ENPP3: variants seen among roughly 807,000 people sequenced by gnomAD.
The protein encoded by ENPP3 is ectonucleotide pyrophosphatase/phosphodiesterase family member 3.
Under a neutral mutation model 117.8 loss-of-function variants are expected in ENPP3, and 104 were observed. The observed-to-expected ratio is 0.88, with a 90% CI of 0.75 to 1.04. ENPP3 has a LOEUF of 1.04. Ranked by LOEUF, ENPP3 falls within the 50% of genes least tolerant of loss-of-function variation. The pLI is 0.00. For synonymous variants in ENPP3, 380 were observed against 349.9 expected, an observed-to-expected ratio of 1.09 and a Z score of -0.96; for missense variants, 1,026 against 1,051.9, an observed-to-expected ratio of 0.98 and a Z score of 0.34.
chr6:131,707,122 G>C (rs1294547722), intron 15 of ENPP3, among the ~76,000 whole-genome samples: 1 of 150,042 alleles, frequency 6.7e-6, no homozygotes, highest in Non-Finnish European at 1.5e-5. Flanking sequence ...AATGGTTATA[G>C]AGTTATTCAA....
intron 2 of ENPP3, among the ~76,000 whole-genome samples, chr6:131,647,908 A>G (rs1562426056): frequency 6.6e-6 from 1 of 152,154 alleles, no homozygotes; most frequent in Non-Finnish European, 1.5e-5. Flanking sequence ...TAAGATTATC[A>G]TCACATTATT....
At chr6:131,740,845 T>G (rs1358435467) in intron 24 of ENPP3, among the ~76,000 whole-genome samples, 2 of 152,208 alleles carry the variant, frequency 1.3e-5, no homozygotes, top group Admixed American at 1.3e-4. Flanking sequence ...TCTAGCTATC[T>G]TGAAATATAC....
At chr6:131,717,118 T>C (rs1364182492) in intron 15 of ENPP3, among the ~76,000 whole-genome samples, 1 of 152,148 alleles carries the variant, frequency 6.6e-6, no homozygotes, top group African/African-American at 2.4e-5. Flanking sequence ...CTTTCCCCAT[T>C]CCAGGTACTT....
At chr6:131,737,941 A>G (rs1441775651) in intron 22 of ENPP3, 90 bp from the exon 23 acceptor site, 1 of 902,094 alleles carries the variant, frequency 1.1e-6, no homozygotes, top group Non-Finnish European at 1.6e-6. Context: ...GCAGAATTTC[A>G]TGTTATTTAA....
At chr6:131,722,525 TAA>T in intron 18 of ENPP3, 120 bp downstream of exon 18, 2 of 737,310 alleles carry the variant, frequency 2.7e-6, no homozygotes, top group East Asian at 5.1e-5. Context: ...ATTTACTTAG[TAA>T]ATATATGTGG....
intron 6 of ENPP3, among the ~76,000 whole-genome samples, chr6:131,669,926 TAAA>T (rs1778704466): frequency 6.6e-6 from 1 of 152,294 alleles, no homozygotes; most frequent in South Asian, 2.1e-4. Flanking sequence ...TGTTTTGACT[TAAA>T]GAGAATTGAT....
intron 20 of ENPP3, 35 bp from the exon 21 acceptor site, chr6:131,733,553 G>C: frequency 1.3e-6 from 2 of 1,596,738 alleles, no homozygotes; most frequent in Non-Finnish European, 1.7e-6. Context: ...AGCCGCAATT[G>C]TGGGCGTAAT....
At chr6:131,719,313 T>A (rs1028026731) in intron 16 of ENPP3, among the ~76,000 whole-genome samples, 1 of 150,988 alleles carries the variant, frequency 6.6e-6, no homozygotes, top group Non-Finnish European at 1.5e-5. Context: ...AGTCTATGAG[T>A]AGAATGCAGC....
chr6:131,649,476 A>G (rs1778217397), intron 2 of ENPP3, among the ~76,000 whole-genome samples: 1 of 152,114 alleles, frequency 6.6e-6, no homozygotes, highest in African/African-American at 2.4e-5. Context: ...CCAAGACTCA[A>G]TGGTGTCCTT....
At chr6:131,721,457 C>T (rs1780030048) in intron 17 of ENPP3, among the ~76,000 whole-genome samples, 1 of 151,856 alleles carries the variant, frequency 6.6e-6, no homozygotes, top group Non-Finnish European at 1.5e-5. Context: ...AAAGGAACTA[C>T]ATAGGACTGC....
intron 11 of ENPP3, 52 bp downstream of exon 11, chr6:131,677,992 C>G (rs1252296365): frequency 9.2e-7 from 1 of 1,092,592 alleles, no homozygotes; most frequent in East Asian, 2.4e-5. Context: ...TCATCTAACC[C>G]TAACCCACAA....
intron 15 of ENPP3, chr6:131,701,031 G>A (rs761813558): frequency 1.3e-5 from 7 of 538,696 alleles, no homozygotes; most frequent in African/African-American, 4.6e-5. Context: ...GTGGCAGATG[G>A]CCACGTACAG....
At chr6:131,701,113 T>C in intron 15 of ENPP3, 1 of 617,230 alleles carries the variant, frequency 1.6e-6, no homozygotes. Context: ...GTCTGCATCA[T>C]GCGGCCCGCA....
intron 10 of ENPP3, 24 bp from the exon 11 acceptor site, chr6:131,677,844 T>A (rs1778903598): frequency 6.9e-7 from 1 of 1,454,984 alleles, no homozygotes; most frequent in Non-Finnish European, 9.6e-7. Context: ...TGATAATATA[T>A]TTCTGTTTCA....
At chr6:131,724,268 A>C (rs1780103883) in intron 19 of ENPP3, among the ~76,000 whole-genome samples, 177 bp downstream of exon 19, 1 of 150,566 alleles carries the variant, frequency 6.6e-6, no homozygotes, top group South Asian at 2.1e-4. Flanking sequence ...ACAACAGTAC[A>C]AGCATGGGGT....
At chr6:131,647,641 C>T (rs1169953930) in intron 2 of ENPP3, among the ~76,000 whole-genome samples, 1 of 152,124 alleles carries the variant, frequency 6.6e-6, no homozygotes, top group South Asian at 2.1e-4. Flanking sequence ...ATAACCTCCT[C>T]TACATATTAT....
intron 6 of ENPP3, among the ~76,000 whole-genome samples, chr6:131,667,480 C>T (rs528959216): frequency 5.3e-5 from 8 of 152,142 alleles, no homozygotes; most frequent in Non-Finnish European, 1.2e-4. Context: ...CTTTGTAGCA[C>T]ACAGGGGACT....
In ENPP3 at chr6:131,652,908, C is replaced by G. The variant is rs1230136967; in HGVS notation, c.464+17C>G. The G allele has an allele frequency of 6.3e-7, 1 of 1,578,094 alleles. No individual in the cohort carries two copies. Among genetic ancestry groups the G allele is most frequent in the Non-Finnish European group, 8.7e-7 (1 of 1,148,484 alleles). ...CCCAGAAGGGTGAGCATGACTGATACAGGGATTTTTATCCTCCTTTAACAA... is the reference window on the plus strand; with the variant it reads ...CCCAGAAGGGTGAGCATGACTGATAGAGGGATTTTTATCCTCCTTTAACAA... On this transcript the variant is annotated intron_variant, in intron 5 of 24. Transcript: ENST00000357639.
intron 15 of ENPP3, among the ~76,000 whole-genome samples, chr6:131,693,857 A>G (rs1006898104): frequency 1.3e-5 from 2 of 152,198 alleles, no homozygotes; most frequent in Non-Finnish European, 2.9e-5. Flanking sequence ...TAAGGCTAAG[A>G]GTGTGCCCAG....
Sources: gnomAD v4.1 joint callset for allele counts (sites outside exome capture counted in the v4.1 genomes callset) on GRCh38, gnomAD v4.1.1 for gene constraint, MANE v1.5 for transcripts, NCBI Gene and HGNC (gene_info 2026-07-23, HGNC 2026-07-21) for gene names.